SEZ6L: variants seen among roughly 807,000 people sequenced by gnomAD.
SEZ6L encodes seizure 6-like protein.
In SEZ6L, 37 loss-of-function variants were observed where a neutral mutation model predicts 106.2. The ratio of observed to expected loss-of-function variants is 0.35; its 90% CI spans 0.27 to 0.46. The LOEUF (loss-of-function observed/expected upper bound fraction) is 0.46. SEZ6L is among the 20% of genes least tolerant of loss of function. The pLI is 1.00. For synonymous variants in SEZ6L, 541 were observed against 570.4 expected (o/e 0.95, Z 0.73); for missense variants, 1,172 against 1,332.8 (o/e 0.88, Z 1.88).
intron 1 of SEZ6L, among the ~76,000 whole-genome samples, chr22:26,238,018 G>A (rs1031438483): frequency 4.6e-5 from 7 of 152,198 alleles, no homozygotes; most frequent in Non-Finnish European, 1.0e-4. Flanking sequence ...GTTGATAAAG[G>A]AGCTGTGGAA....
At chr22:26,337,315 T>A (rs2082676998) in intron 9 of SEZ6L, among the ~76,000 whole-genome samples, 1 of 152,192 alleles carries the variant, frequency 6.6e-6, no homozygotes, top group Non-Finnish European at 1.5e-5. Context: ...TTTTCACCCT[T>A]GAAGATGCTG....
chr22:26,315,946 T>C (rs2081985173), intron 9 of SEZ6L, among the ~76,000 whole-genome samples: 1 of 151,868 alleles, frequency 6.6e-6, no homozygotes, highest in South Asian at 2.1e-4. Flanking sequence ...TCCCAGCTAC[T>C]TGGGAGGCTC....
rs116741583 is a variant in SEZ6L at position 26,274,622 on chromosome 22, C to A, written c.95-17784C>A. Among the ~76,000 whole-genome samples, 240 of 152,312 alleles carry A rather than the reference C, an allele frequency of 1.6e-3. 2 individuals are homozygous for A. The highest frequency in any genetic ancestry group is 5.6e-3 in the African/African-American group (232 of 41,558). On this transcript the variant is annotated intron_variant, in intron 1 of 16. Coordinates refer to ENST00000248933, the MANE Select transcript of SEZ6L (RefSeq NM_021115.5). ...AGGACTCAGAACTTAGAAAAGCCAT[C>A]ATACCCAGCCATAACCATAAGGTTT...
chr22:26,224,783 A>G (rs1280104499), intron 1 of SEZ6L, among the ~76,000 whole-genome samples: 1 of 152,148 alleles, frequency 6.6e-6, no homozygotes, highest in African/African-American at 2.4e-5. Context: ...CCTAGATTAG[A>G]GCTTAAATAG....
intron 1 of SEZ6L, among the ~76,000 whole-genome samples, chr22:26,202,842 T>C (rs1941055590): frequency 6.6e-6 from 1 of 152,220 alleles, no homozygotes; most frequent in Non-Finnish European, 1.5e-5. Flanking sequence ...TCATTAGTCA[T>C]CATTAACTAA....
At chr22:26,264,585 G>A (rs1245144012) in intron 1 of SEZ6L, among the ~76,000 whole-genome samples, 1 of 152,206 alleles carries the variant, frequency 6.6e-6, no homozygotes, top group Non-Finnish European at 1.5e-5. Context: ...ACATTTGCCA[G>A]GGCTGGCAAA....
At chr22:26,286,523 T>G (rs897188637) in intron 1 of SEZ6L, among the ~76,000 whole-genome samples, 2 of 152,244 alleles carry the variant, frequency 1.3e-5, no homozygotes, top group African/African-American at 2.4e-5. Flanking sequence ...TTGTTTTACT[T>G]CGTTGCTTCT....
At chr22:26,374,276 A>G (rs1354418445) in intron 14 of SEZ6L, among the ~76,000 whole-genome samples, 1 of 132,372 alleles carries the variant, frequency 7.6e-6, no homozygotes. Context: ...TTTTTTTTTT[A>G]ATGTTTTTAC....
In SEZ6L at chr22:26,224,025, A is replaced by G. The variant is rs567190006; in HGVS notation, c.94+54262A>G. Among the ~76,000 whole-genome samples the G allele has an allele frequency of 7.9e-5, 12 of 152,324 alleles. No individual in the cohort carries two copies. In the East Asian group the frequency reaches 2.1e-3, roughly 27 times the overall value. On this transcript the variant is annotated intron_variant, in intron 1 of 16. Transcript: ENST00000248933. ...CTCGTTATTAAGCATCAAGGGATCA[A>G]TGGTGGACTCAGTGGGTTATCGTCA...
intron 1 of SEZ6L, among the ~76,000 whole-genome samples, chr22:26,274,169 A>C (rs1164953806): frequency 6.6e-6 from 1 of 152,234 alleles, no homozygotes; most frequent in East Asian, 1.9e-4. Context: ...AAAGTGATCT[A>C]AGCTTCAGTT....
Position 26,292,375 on chromosome 22 carries a change from A to G in SEZ6L, c.95-31A>G, listed in dbSNP as rs1489629942. On this transcript the variant is annotated intron_variant, in intron 1 of 16. Coordinates refer to ENST00000248933, the MANE Select transcript of SEZ6L (RefSeq NM_021115.5). Reference sequence around the variant, plus strand: ...CAGGTGAAGGTCCTAAATCTCCCCAAACTAACTGGTGTCTTTTCTCCTCTT... The same window carrying G: ...CAGGTGAAGGTCCTAAATCTCCCCAGACTAACTGGTGTCTTTTCTCCTCTT... 8.3e-6 allele frequency: 13 copies of G among 1,561,776 alleles called. No homozygotes were observed. In the South Asian group the frequency reaches 1.4e-4, roughly 17 times the overall value.
chr22:26,223,956 A>G (rs2078561836), intron 1 of SEZ6L, among the ~76,000 whole-genome samples: 1 of 152,192 alleles, frequency 6.6e-6, no homozygotes, highest in South Asian at 2.1e-4. Flanking sequence ...TTTGCTTTTA[A>G]TGAAAATATA....
intron 1 of SEZ6L, among the ~76,000 whole-genome samples, chr22:26,276,649 C>T (rs921370266): frequency 1.3e-5 from 2 of 152,230 alleles, no homozygotes; most frequent in African/African-American, 4.8e-5. Context: ...TGTCTCCCTC[C>T]CTCAATGACT....
chr22:26,294,507 T>C lies in SEZ6L; in HGVS notation c.969+82T>C, dbSNP rs957236784. ...GGATTGTCTGAGTCAGGCTTACTGT[T>C]ATGCTAACTAGTTTGGTTCTGTCTT... On this transcript the variant is annotated intron_variant, in intron 3 of 16. Coordinates refer to ENST00000248933, the MANE Select transcript of SEZ6L (RefSeq NM_021115.5). 2.8e-6 allele frequency: 4 copies of C among 1,437,780 alleles called. No individual in the cohort carries two copies. In the South Asian group the frequency reaches 5.3e-5, roughly 19 times the overall value. 89.1% of individuals were successfully genotyped at this position (1,437,780 alleles called of 1,614,324 possible). A position where few individuals can be genotyped will look rare whatever the true frequency, so the allele number is the denominator to read the frequency against.
At chr22:26,193,867 T>C (rs1243840636) in intron 1 of SEZ6L, among the ~76,000 whole-genome samples, 1 of 152,238 alleles carries the variant, frequency 6.6e-6, no homozygotes, top group Non-Finnish European at 1.5e-5. Flanking sequence ...TATCAGGAAC[T>C]GTGCTAGTTA....
chr22:26,338,866 T>C (rs13055744), intron 9 of SEZ6L, among the ~76,000 whole-genome samples: 4 of 115,746 alleles, frequency 3.5e-5, no homozygotes, highest in Admixed American at 8.6e-5. Context: ...TTTTTTTTTT[T>C]CTTTTTTTTT....
intron 6 of SEZ6L, among the ~76,000 whole-genome samples, chr22:26,306,625 G>A (rs1437786961): frequency 6.6e-6 from 1 of 152,208 alleles, no homozygotes; most frequent in Non-Finnish European, 1.5e-5. Context: ...AAGCAAGAGT[G>A]TGTCTGTAGA....
chr22:26,292,320 C>G lies in SEZ6L; in HGVS notation c.95-86C>G, dbSNP rs1031243644. Reference sequence around the variant, plus strand: ...AGCCGGACGAGCTTTGGGCACCGCCCTTAGGAGGGCCACCCTCAGAGTCTG... The same window carrying G: ...AGCCGGACGAGCTTTGGGCACCGCCGTTAGGAGGGCCACCCTCAGAGTCTG... On this transcript the variant is annotated intron_variant, in intron 1 of 16. Transcript: ENST00000248933. 6.2e-6 allele frequency: 7 copies of G among 1,126,506 alleles called. No individual in the cohort carries two copies. In the African/African-American group the frequency reaches 9.4e-5, roughly 15 times the overall value. 69.8% of individuals were successfully genotyped at this position (1,126,506 alleles called of 1,614,324 possible).
intron 1 of SEZ6L, among the ~76,000 whole-genome samples, chr22:26,190,424 T>C (rs1940114810): frequency 6.6e-6 from 1 of 152,196 alleles, no homozygotes; most frequent in Non-Finnish European, 1.5e-5. Flanking sequence ...GAGGACATAC[T>C]GTACTAAAAG....
Sources: gnomAD v4.1 joint callset for allele counts (sites outside exome capture counted in the v4.1 genomes callset) on GRCh38, gnomAD v4.1.1 for gene constraint, MANE v1.5 for transcripts, NCBI Gene and HGNC (gene_info 2026-07-23, HGNC 2026-07-21) for gene names.